DOCK2: variants seen among roughly 807,000 people sequenced by gnomAD.
DOCK2 encodes the protein dedicator of cytokinesis protein 2.
Under a neutral mutation model 248.9 loss-of-function variants are expected in DOCK2, and 87 were observed. The observed-to-expected ratio is 0.35, with a 90% CI of 0.29 to 0.42. The LOEUF (loss-of-function observed/expected upper bound fraction) is 0.42. Ranked by LOEUF, DOCK2 falls within the 10% of genes least tolerant of loss-of-function variation. DOCK2 has a pLI of 1.00. For missense variants in DOCK2, 1,747 were observed against 2,300.2 expected (o/e 0.76, Z 4.92); for synonymous variants, 805 against 821.6 (o/e 0.98, Z 0.35).
intron 24 of DOCK2, among the ~76,000 whole-genome samples, chr5:169,761,016 A>G (rs1764454961): frequency 6.6e-6 from 1 of 152,222 alleles, no homozygotes; most frequent in African/African-American, 2.4e-5. Context: ...GTTTTAAAAA[A>G]AATTAGAGAT....
chr5:169,695,403 C>G (rs1374056079), intron 9 of DOCK2: 1 of 169,722 alleles, frequency 5.9e-6, no homozygotes, highest in Non-Finnish European at 1.3e-5. Flanking sequence ...TTTGTCTTCT[C>G]TCTCAGAGGT....
intron 2 of DOCK2, among the ~76,000 whole-genome samples, chr5:169,666,851 A>G (rs1230573537): frequency 6.6e-6 from 1 of 152,168 alleles, no homozygotes; most frequent in Non-Finnish European, 1.5e-5. Context: ...ATCCCTGGGG[A>G]TTTATCCCTG....
chr5:169,834,549 G>A (rs1414885662), intron 26 of DOCK2, among the ~76,000 whole-genome samples: 24 of 5,124 alleles, frequency 4.7e-3, no homozygotes, highest in Admixed American at 4.8e-3. Flanking sequence ...TCCCAACCAG[G>A]TCACCCTGCA....
chr5:170,026,938 C>T (rs1755937938), intron 33 of DOCK2, among the ~76,000 whole-genome samples: 1 of 152,102 alleles, frequency 6.6e-6, no homozygotes. Context: ...AACAAAACTC[C>T]AATTCAAACT....
rs183346010 is a variant in DOCK2, at chr5:169,754,484, C to T, written c.2377-5221C>T. Among the ~76,000 whole-genome samples the T allele has an allele frequency of 2.5e-4, 38 of 152,326 alleles. 1 individual carries two copies. The highest frequency in any genetic ancestry group is 2.0e-3 in the Admixed American group (31 of 15,312). On this transcript the variant is annotated intron_variant, in intron 23 of 51. Coordinates refer to ENST00000520908, the MANE Select transcript of DOCK2 (RefSeq NM_004946.3). ...AGCATTTTCCTGTTGGCCATTCTTG[C>T]AACCCCCTATAGATGTGGTAATGAG... is the stretch of plus-strand genomic sequence containing the variant.
intron 27 of DOCK2, among the ~76,000 whole-genome samples, chr5:169,876,601 A>G (rs892168090): frequency 7.2e-5 from 11 of 152,236 alleles, no homozygotes; most frequent in African/African-American, 2.7e-4. Context: ...TCTCTGAGTC[A>G]TCAAAGAAAG....
intron 22 of DOCK2, among the ~76,000 whole-genome samples, chr5:169,733,836 A>G (rs930864025): frequency 6.6e-6 from 1 of 151,950 alleles, no homozygotes; most frequent in African/African-American, 2.4e-5. Flanking sequence ...TTTCTCTTTG[A>G]TGTTCTGCAG....
chr5:169,802,813 A>G (rs1767079874), intron 25 of DOCK2, among the ~76,000 whole-genome samples: 2 of 152,226 alleles, frequency 1.3e-5, no homozygotes, highest in Non-Finnish European at 2.9e-5. Flanking sequence ...TATAAAATAT[A>G]TAGAACATAC....
intron 27 of DOCK2, among the ~76,000 whole-genome samples, chr5:169,968,680 T>G (rs370072825): frequency 6.6e-6 from 1 of 152,278 alleles, no homozygotes; most frequent in African/African-American, 2.4e-5. Context: ...ATTTTTCAAT[T>G]TTATCACAAT....
At chr5:170,027,692 A>G (rs1461586264) in intron 33 of DOCK2, among the ~76,000 whole-genome samples, 171 bp from the exon 34 acceptor site, 1 of 151,930 alleles carries the variant, frequency 6.6e-6, no homozygotes, top group Non-Finnish European at 1.5e-5. Context: ...CTCTCTGGGC[A>G]CTCCAAAAAG....
chr5:169,941,545 G>A (rs1776247407), intron 27 of DOCK2, among the ~76,000 whole-genome samples: 1 of 152,192 alleles, frequency 6.6e-6, no homozygotes, highest in African/African-American at 2.4e-5. Context: ...AGAAAGGAGA[G>A]TGCAAGAGGT....
intron 32 of DOCK2, 49 bp downstream of exon 32, chr5:170,008,795 C>T (rs1417566307): frequency 6.2e-7 from 1 of 1,609,386 alleles, no homozygotes; most frequent in Admixed American, 1.7e-5. Flanking sequence ...GCACCAAACT[C>T]CTTCTTAAAG....
chr5:169,785,834 G>A (rs935047822), intron 25 of DOCK2, among the ~76,000 whole-genome samples: 1 of 152,052 alleles, frequency 6.6e-6, no homozygotes. Context: ...TTTGTGGAAT[G>A]CTCCTTCATT....
chr5:169,776,686 G>A (rs1765404874), intron 25 of DOCK2, among the ~76,000 whole-genome samples: 1 of 152,220 alleles, frequency 6.6e-6, no homozygotes. Flanking sequence ...ACCAGGTGAA[G>A]ATAACTGAAT....
chr5:170,005,740 AT>A (rs71741253), intron 30 of DOCK2, among the ~76,000 whole-genome samples: 5,529 of 151,758 alleles, frequency 0.036, 325 homozygotes, highest in African/African-American at 0.13. Context: ...TATATCTCAG[AT>A]TTTTTTTTAA....
In DOCK2 at chr5:170,082,843, G is replaced by C; in HGVS notation, c.5478G>C (p.Leu1826=). 6.2e-7 allele frequency: 1 copy of C among 1,614,226 alleles called. No homozygotes were observed. Among genetic ancestry groups the C allele is most frequent in the Non-Finnish European group, 8.5e-7 (1 of 1,180,036 alleles). ...AAGGCAAACAGATCCCAGACTCGCT[G>C]TCCACGGACCTGTGAGCTGCTGCTG... ...AEEGKQIPDS[L]STDL is the part of the protein sequence containing the mutation. Residue 1826 remains leucine (L), a synonymous_variant, in exon 52 of 52, where the codon CTG becomes CTC. Coordinates refer to ENST00000520908, the MANE Select transcript of DOCK2 (RefSeq NM_004946.3).
intron 27 of DOCK2, among the ~76,000 whole-genome samples, chr5:169,895,926 T>C (rs1173982162): frequency 6.6e-6 from 1 of 152,242 alleles, no homozygotes; most frequent in Non-Finnish European, 1.5e-5. Context: ...CCCTATTTTC[T>C]GGCCTGGAGA....
chr5:170,007,952 C>T (rs1755110299), intron 30 of DOCK2, among the ~76,000 whole-genome samples: 2 of 152,132 alleles, frequency 1.3e-5, no homozygotes, highest in South Asian at 2.1e-4. Context: ...GATCTGGCAA[C>T]CACACTTTGA....
chr5:170,050,204 C>T, intron 40 of DOCK2, 52 bp from the exon 41 acceptor site: 1 of 1,598,176 alleles, frequency 6.3e-7, no homozygotes, highest in Admixed American at 1.7e-5. Flanking sequence ...TGCTTGGCCC[C>T]TTTCTTCACA....
Sources: allele counts gnomAD v4.1 joint callset (sites outside exome capture counted in the v4.1 genomes callset), GRCh38; gene constraint gnomAD v4.1.1; transcripts MANE v1.5; gene names NCBI Gene and HGNC (gene_info 2026-07-23, HGNC 2026-07-21).